The following CDH10 variants were observed in gnomAD, a reference collection of about 807,000 sequenced individuals.
CDH10 encodes the protein cadherin 10.
CDH10 carries 30 observed loss-of-function variants against 73.1 expected under a neutral mutation model. The observed-to-expected ratio is 0.41, with a 90% CI of 0.31 to 0.56. The LOEUF is 0.56. Ranked by LOEUF, CDH10 falls within the 20% of genes least tolerant of loss-of-function variation. The pLI is 0.27. For missense variants in CDH10, 815 were observed against 973.7 expected (o/e 0.84, Z 2.17); for synonymous variants, 345 against 348.2 (o/e 0.99, Z 0.10).
intron 2 of CDH10, among the ~76,000 whole-genome samples, chr5:24,591,811 G>A (rs1256222996): frequency 1.3e-5 from 2 of 151,852 alleles, no homozygotes; most frequent in Admixed American, 1.3e-4. Flanking sequence ...TTGACTATGA[G>A]AGTATATAAT....
chr5:24,534,974 T>G (rs1743892751), intron 5 of CDH10, 138 bp downstream of exon 5: 1 of 765,446 alleles, frequency 1.3e-6, no homozygotes, highest in African/African-American at 1.8e-5. Flanking sequence ...ACACCTTTTG[T>G]TTACTTTTGT....
intron 1 of CDH10, among the ~76,000 whole-genome samples, chr5:24,598,214 T>A (rs1468842093): frequency 1.3e-5 from 2 of 152,026 alleles, no homozygotes; most frequent in African/African-American, 4.8e-5. Context: ...GATAATTGAA[T>A]CAAAGCATTA....
chr5:24,595,675 G>A (rs879314562), intron 1 of CDH10, among the ~76,000 whole-genome samples: 4 of 152,072 alleles, frequency 2.6e-5, no homozygotes, highest in Middle Eastern at 3.4e-3. Context: ...GGGAGAGTTT[G>A]TGTAAGTGAG....
chr5:24,554,643 C>T (rs1185248283), intron 2 of CDH10, among the ~76,000 whole-genome samples: 1 of 152,124 alleles, frequency 6.6e-6, no homozygotes, highest in South Asian at 2.1e-4. Flanking sequence ...TCCTTTTCTT[C>T]TAGTATCCAA....
intron 8 of CDH10, among the ~76,000 whole-genome samples, chr5:24,504,139 T>C (rs1036585795): frequency 6.6e-6 from 1 of 152,022 alleles, no homozygotes; most frequent in African/African-American, 2.4e-5. Flanking sequence ...GAGTTAAAGG[T>C]ACTCAAAAAA....
At chr5:24,613,941 C>T (rs1369293251) in intron 1 of CDH10, among the ~76,000 whole-genome samples, 1 of 151,936 alleles carries the variant, frequency 6.6e-6, no homozygotes, top group Non-Finnish European at 1.5e-5. Context: ...AGGACAAATT[C>T]GACTTTGCAT....
At chr5:24,551,942 TTTTA>T (rs1744561688) in intron 2 of CDH10, among the ~76,000 whole-genome samples, 2 of 152,228 alleles carry the variant, frequency 1.3e-5, no homozygotes, top group South Asian at 4.1e-4. Context: ...TGACATGGAT[TTTTA>T]TTTATTTATT....
intron 2 of CDH10, among the ~76,000 whole-genome samples, chr5:24,577,955 C>T (rs952565754): frequency 7.9e-5 from 12 of 152,180 alleles, no homozygotes; most frequent in Non-Finnish European, 1.8e-4. Flanking sequence ...CTAACCCATA[C>T]TGTCACCATT....
At chr5:24,598,153 T>C (rs1408557605) in intron 1 of CDH10, among the ~76,000 whole-genome samples, 1 of 151,998 alleles carries the variant, frequency 6.6e-6, no homozygotes, top group African/African-American at 2.4e-5. Context: ...AAATACTTCC[T>C]TTTTATTCAG....
At chr5:24,539,726 T>TA (rs1342560010) in intron 2 of CDH10, among the ~76,000 whole-genome samples, 1 of 152,012 alleles carries the variant, frequency 6.6e-6, no homozygotes, top group Admixed American at 6.6e-5. Flanking sequence ...TCCTTTTAAC[T>TA]AAAAAGCTTT....
In CDH10 at chr5:24,487,879, C is replaced by A. The variant is rs751881000; in HGVS notation, c.2151G>T (p.Arg717Ser). Residue 717 changes from arginine to serine, a missense_variant, in exon 12 of 12, where the codon AGG becomes AGT. Arg to Ser is a moderately radical substitution (Grantham distance 110). This residue lies in a region of CDH10 where 241 missense variants were observed against 240.3 expected (regional missense o/e 1.00). Transcript: ENST00000264463. ...TGGGGTCAAGATCATGCTCTTTTAGCCTTTCATTAATGAAATCCCGGACGT... is the reference window on the plus strand; with the variant it reads ...TGGGGTCAAGATCATGCTCTTTTAGACTTTCATTAATGAAATCCCGGACGT... ...NTDVRDFINE[R>S]LKEHDLDPTA... 5.0e-6 allele frequency: 8 copies of A among 1,613,868 alleles called. No homozygotes were observed. The highest frequency in any genetic ancestry group is 6.8e-6 in the Non-Finnish European group (8 of 1,179,920).
chr5:24,526,234 A>T (rs1158048243), intron 5 of CDH10, among the ~76,000 whole-genome samples: 1 of 151,952 alleles, frequency 6.6e-6, no homozygotes, highest in African/African-American at 2.4e-5. Context: ...ATTATGTAAG[A>T]TGCCAAGTAG....
At chr5:24,594,638 C>T (rs1322681560) in intron 1 of CDH10, among the ~76,000 whole-genome samples, 1 of 151,956 alleles carries the variant, frequency 6.6e-6, no homozygotes, top group Admixed American at 6.6e-5. Context: ...ATTTTACATG[C>T]TCCCTTCCTT....
intron 7 of CDH10, among the ~76,000 whole-genome samples, chr5:24,505,837 C>T (rs1051861513): frequency 2.6e-5 from 4 of 152,110 alleles, no homozygotes; most frequent in South Asian, 2.1e-4. Flanking sequence ...TCTGGATGGC[C>T]GGGCACAGGG....
chr5:24,600,978 T>C (rs1178017013), intron 1 of CDH10, among the ~76,000 whole-genome samples: 1 of 152,060 alleles, frequency 6.6e-6, no homozygotes, highest in Non-Finnish European at 1.5e-5. Context: ...TTTGTATATG[T>C]GGCTTTTTTT....
chr5:24,509,910 G>A (rs1742837436), intron 6 of CDH10, 91 bp from the exon 7 acceptor site: 2 of 926,634 alleles, frequency 2.2e-6, no homozygotes, highest in African/African-American at 1.7e-5. Context: ...AGTTGTGGTT[G>A]AGTTCTCTTA....
At position 24,591,316 on chromosome 5, in the gene CDH10, T is replaced by C. The variant is rs978482464; in HGVS notation, c.231+1944A>G. ...CTACAAAATTGATTGAAATGTGAGCTAAAATCTAGACACTCTGGCCATTAA... is the reference window on the plus strand; with the variant it reads ...CTACAAAATTGATTGAAATGTGAGCCAAAATCTAGACACTCTGGCCATTAA... On this transcript the variant is annotated intron_variant, in intron 2 of 11. Coordinates refer to ENST00000264463, the MANE Select transcript of CDH10 (RefSeq NM_006727.5). Among the ~76,000 whole-genome samples the C allele has an allele frequency of 3.5e-4, 53 of 152,016 alleles. 1 individual carries two copies. The highest frequency in any genetic ancestry group is 1.3e-3 in the African/African-American group (53 of 41,522).
At chr5:24,634,683 T>C (rs1747811933) in intron 1 of CDH10, among the ~76,000 whole-genome samples, 1 of 151,782 alleles carries the variant, frequency 6.6e-6, no homozygotes, top group South Asian at 2.1e-4. Context: ...CACCAAAGTA[T>C]AACTTTCAGC....
chr5:24,555,044 T>C (rs963091798), intron 2 of CDH10, among the ~76,000 whole-genome samples: 3 of 152,116 alleles, frequency 2.0e-5, no homozygotes, highest in Non-Finnish European at 4.4e-5. Flanking sequence ...TTTTGGAGTA[T>C]AATTTTTGCT....
Sources: allele counts gnomAD v4.1 joint callset (sites outside exome capture counted in the v4.1 genomes callset), GRCh38; gene constraint gnomAD v4.1.1; regional missense constraint gnomAD v4.1.1; transcripts MANE v1.5; gene names NCBI Gene and HGNC (gene_info 2026-07-23, HGNC 2026-07-21).